Variants in AMOTL1 observed in about 807,000 individuals in gnomAD.
AMOTL1 encodes the protein angiomotin-like protein 1.
In AMOTL1, 45 loss-of-function variants were observed where a neutral mutation model predicts 102.9. That is an observed-to-expected ratio of 0.44 (90% CI 0.34 to 0.56). The LOEUF (loss-of-function observed/expected upper bound fraction) is 0.56, where lower values mean the gene tolerates loss of function less well. Ranked by LOEUF, AMOTL1 falls within the 20% of genes least tolerant of loss-of-function variation. AMOTL1 has a pLI of 0.01. For synonymous variants in AMOTL1, 481 were observed against 484.7 expected, an observed-to-expected ratio of 0.99 and a Z score of 0.10; for missense variants, 1,114 against 1,225.6, an observed-to-expected ratio of 0.91 and a Z score of 1.36.
chr11:94,745,845 C>T (rs952842233), intron 3 of AMOTL1, among the ~76,000 whole-genome samples: 9 of 152,098 alleles, frequency 5.9e-5, no homozygotes, highest in African/African-American at 1.7e-4. Flanking sequence ...ACTAATCAAG[C>T]GGTTTTTATT....
At chr11:94,823,876 T>A (rs1951915428) in intron 4 of AMOTL1, among the ~76,000 whole-genome samples, 1 of 142,832 alleles carries the variant, frequency 7.0e-6, no homozygotes, top group Non-Finnish European at 1.5e-5. Flanking sequence ...CCACCACACC[T>A]GGCTAATTTT....
At position 94,872,659 on chromosome 11, in the gene AMOTL1, T is replaced by C. The variant is rs1197010483; in HGVS notation, c.*1864T>C. 6.6e-6 allele frequency: 1 copy of C among 152,288 alleles called. No homozygotes were observed. Among genetic ancestry groups the C allele is most frequent in the Non-Finnish European group, 1.5e-5 (1 of 68,120 alleles). The allele number at this position is 152,288 out of a possible 1,614,324, so 9.4% of individuals were successfully genotyped here. ...GGCCCTCTGGGGCTCTGCTTGGCCA[T>C]AGGCACTGCACATTGTGCCACCTGC... On this transcript the variant is annotated 3_prime_UTR_variant, in exon 13 of 13. Transcript: ENST00000433060.
chr11:94,752,633 C>T (rs1950670873), intron 3 of AMOTL1, among the ~76,000 whole-genome samples: 1 of 152,232 alleles, frequency 6.6e-6, no homozygotes, highest in Non-Finnish European at 1.5e-5. Flanking sequence ...GACAAGATTA[C>T]TGATCACCTG....
intron 3 of AMOTL1, among the ~76,000 whole-genome samples, chr11:94,752,232 T>A (rs1211736024): frequency 6.6e-6 from 1 of 152,106 alleles, no homozygotes; most frequent in Non-Finnish European, 1.5e-5. Context: ...TCCATTTCTG[T>A]CTCTGTTTTC....
intron 12 of AMOTL1, among the ~76,000 whole-genome samples, chr11:94,870,068 C>T (rs1487173950): frequency 6.6e-6 from 1 of 152,198 alleles, no homozygotes; most frequent in African/African-American, 2.4e-5. Flanking sequence ...TAAGGCACTC[C>T]TCTTAAGCAA....
chr11:94,819,321 C>T (rs1213186410), intron 3 of AMOTL1, among the ~76,000 whole-genome samples: 1 of 152,142 alleles, frequency 6.6e-6, no homozygotes, highest in Non-Finnish European at 1.5e-5. Context: ...TATAAAAAAG[C>T]CACATACCTG....
chr11:94,862,206 G>C (rs186199936), intron 9 of AMOTL1, among the ~76,000 whole-genome samples: 4 of 152,258 alleles, frequency 2.6e-5, no homozygotes, highest in African/African-American at 9.6e-5. Context: ...CCTTCTGGGT[G>C]GGGGAATAGG....
intron 7 of AMOTL1, among the ~76,000 whole-genome samples, chr11:94,851,432 A>G (rs918925676): frequency 6.6e-5 from 10 of 152,212 alleles, no homozygotes; most frequent in African/African-American, 2.4e-4. Flanking sequence ...TTTATGTGAA[A>G]TCTTTGGTTG....
At chr11:94,732,662 C>G (rs903567074) in intron 2 of AMOTL1, among the ~76,000 whole-genome samples, 3 of 152,158 alleles carry the variant, frequency 2.0e-5, no homozygotes, top group Non-Finnish European at 2.9e-5. Flanking sequence ...GGATTTGGTA[C>G]GGAAGAGGAG....
chr11:94,821,402 C>T (rs1000125793), intron 3 of AMOTL1, 128 bp from the exon 4 acceptor site: 1 of 979,492 alleles, frequency 1.0e-6, no homozygotes, highest in Non-Finnish European at 1.5e-6. Context: ...CAGTGAATAC[C>T]TCCCACTGGG....
intron 1 of AMOTL1, among the ~76,000 whole-genome samples, chr11:94,720,304 T>C (rs1250633664): frequency 1.3e-5 from 2 of 152,056 alleles, no homozygotes; most frequent in African/African-American, 4.8e-5. Context: ...AAACTAGTCA[T>C]GACCATGAGA....
intron 3 of AMOTL1, among the ~76,000 whole-genome samples, chr11:94,751,859 A>G (rs1950660243): frequency 6.6e-6 from 1 of 152,042 alleles, no homozygotes; most frequent in Non-Finnish European, 1.5e-5. Flanking sequence ...CCTGCCAAAA[A>G]GATGTTTCTA....
At chr11:94,722,658 C>T (rs1242462459) in intron 1 of AMOTL1, among the ~76,000 whole-genome samples, 1 of 152,126 alleles carries the variant, frequency 6.6e-6, no homozygotes, top group Non-Finnish European at 1.5e-5. Context: ...ATATATACTG[C>T]CTCCCACATT....
chr11:94,861,062 A>G (rs1197884598), intron 9 of AMOTL1, among the ~76,000 whole-genome samples: 2 of 152,184 alleles, frequency 1.3e-5, no homozygotes, highest in East Asian at 3.9e-4. Flanking sequence ...CTACAGACCC[A>G]TGTGGAAAAT....
At chr11:94,842,309 A>G (rs1027909695) in intron 6 of AMOTL1, among the ~76,000 whole-genome samples, 3 of 152,158 alleles carry the variant, frequency 2.0e-5, no homozygotes, top group Non-Finnish European at 1.5e-5. Flanking sequence ...GAAGAGGTCC[A>G]GTAGGAAAAA....
chr11:94,845,541 A>G (rs1255201213), intron 6 of AMOTL1, among the ~76,000 whole-genome samples: 1 of 152,224 alleles, frequency 6.6e-6, no homozygotes, highest in South Asian at 2.1e-4. Context: ...GTATAGTACT[A>G]TGTGCCAAGT....
intron 1 of AMOTL1, among the ~76,000 whole-genome samples, chr11:94,723,581 C>T (rs1950208720): frequency 6.6e-6 from 1 of 152,006 alleles, no homozygotes; most frequent in African/African-American, 2.4e-5. Flanking sequence ...GTTGGATAAA[C>T]CAATCTGAAA....
intron 3 of AMOTL1, among the ~76,000 whole-genome samples, chr11:94,802,391 C>T (rs1160243199): frequency 6.6e-6 from 1 of 152,172 alleles, no homozygotes; most frequent in African/African-American, 2.4e-5. Context: ...GGAAGCTATC[C>T]TGAAATGAAA....
intron 6 of AMOTL1, among the ~76,000 whole-genome samples, chr11:94,836,010 C>T (rs1252232053): frequency 6.6e-6 from 1 of 152,056 alleles, no homozygotes; most frequent in Non-Finnish European, 1.5e-5. Flanking sequence ...ATCATCTTAC[C>T]CTTGAATCTT....
Sources: allele counts gnomAD v4.1 joint callset (sites outside exome capture counted in the v4.1 genomes callset), GRCh38; gene constraint gnomAD v4.1.1; transcripts MANE v1.5; gene names NCBI Gene and HGNC (gene_info 2026-07-23, HGNC 2026-07-21).